WDFY3: variants seen among roughly 807,000 people sequenced by gnomAD.
The protein encoded by WDFY3 is WD repeat and FYVE domain containing 3.
A neutral mutation model predicts 409.6 loss-of-function variants in WDFY3; 66 were observed. The observed-to-expected ratio is 0.16, with a 90% CI of 0.13 to 0.20. The LOEUF (loss-of-function observed/expected upper bound fraction) is 0.20, where lower values mean the gene tolerates loss of function less well. WDFY3 is among the 10% of genes least tolerant of loss of function. WDFY3 has a pLI of 1.00. For missense variants in WDFY3, 3,031 were observed against 4,298.1 expected (o/e 0.71, Z 8.24); for synonymous variants, 1,521 against 1,537.1 (o/e 0.99, Z 0.25).
intron 55 of WDFY3, among the ~76,000 whole-genome samples, chr4:84,703,686 T>C (rs1232652635): frequency 6.6e-6 from 1 of 152,120 alleles, no homozygotes; most frequent in Non-Finnish European, 1.5e-5. Flanking sequence ...TTACCTCCTT[T>C]AGACTTTTTT....
chr4:84,688,464 G>A (rs1254366923), intron 61 of WDFY3, among the ~76,000 whole-genome samples, 199 bp from the exon 62 acceptor site: 1 of 152,112 alleles, frequency 6.6e-6, no homozygotes, highest in Admixed American at 6.5e-5. Flanking sequence ...AGCCCACGGG[G>A]GTAGAGAGAA....
At chr4:84,717,058 G>T in intron 48 of WDFY3, 42 bp from the exon 49 acceptor site, 2 of 1,528,034 alleles carry the variant, frequency 1.3e-6, no homozygotes. Flanking sequence ...AACACAGCAA[G>T]GGATAAATTC....
In WDFY3 at chr4:84,945,325, G is replaced by A. The variant is rs1397690791; in HGVS notation, c.-225-12962C>T. Reference sequence around the variant, plus strand: ...TCCCCCAAAGAGAGACTACTTCTTAGCAGGTAAATTATAACAAACCCTTTG... The same window carrying A: ...TCCCCCAAAGAGAGACTACTTCTTAACAGGTAAATTATAACAAACCCTTTG... On this transcript the variant is annotated intron_variant, in intron 1 of 67. Coordinates refer to ENST00000295888, the MANE Select transcript of WDFY3 (RefSeq NM_014991.6). 2.0e-5 allele frequency among the ~76,000 whole-genome samples: 3 copies of A among 152,196 alleles called. No homozygotes were observed. The South Asian group carries it at 6.2e-4, about 32-fold the overall frequency.
At chr4:84,908,235 T>C (rs927479459) in intron 2 of WDFY3, among the ~76,000 whole-genome samples, 3 of 152,172 alleles carry the variant, frequency 2.0e-5, no homozygotes, top group Non-Finnish European at 4.4e-5. Context: ...AAACTGCAGC[T>C]ATCCAGTTTA....
chr4:84,734,520 A>T (rs1176694290), intron 43 of WDFY3, among the ~76,000 whole-genome samples: 9 of 152,212 alleles, frequency 5.9e-5, no homozygotes, highest in Admixed American at 5.2e-4. Flanking sequence ...ATCTGAGAAT[A>T]AAATATTTAA....
intron 1 of WDFY3, among the ~76,000 whole-genome samples, chr4:84,939,044 C>T (rs1771783650): frequency 6.6e-6 from 1 of 152,104 alleles, no homozygotes; most frequent in African/African-American, 2.4e-5. Context: ...GGTATATTTT[C>T]CCCCATTCAG....
At position 84,812,559 on chromosome 4, in the gene WDFY3, G is replaced by C. The variant is rs191413622; in HGVS notation, c.1888-2215C>G. 2.2e-3 allele frequency among the ~76,000 whole-genome samples: 342 copies of C among 152,254 alleles called. 2 individuals are homozygous for C. Among genetic ancestry groups the C allele is most frequent in the African/African-American group, 7.8e-3 (326 of 41,544 alleles). The stretch of plus-strand genomic sequence containing the variant: ...TACATGTAAGAACCCTTAGAGAAGT[G>C]CCCGGCATATAAGCCTATCACTATC... On this transcript the variant is annotated intron_variant, in intron 13 of 67. Coordinates refer to ENST00000295888, the MANE Select transcript of WDFY3 (RefSeq NM_014991.6).
chr4:84,951,420 T>C (rs544434602), intron 1 of WDFY3, among the ~76,000 whole-genome samples: 1 of 152,336 alleles, frequency 6.6e-6, no homozygotes, highest in South Asian at 2.1e-4. Context: ...ACTAATTTAA[T>C]TACTTTACCA....
intron 25 of WDFY3, among the ~76,000 whole-genome samples, chr4:84,782,142 C>T (rs1278666660): frequency 6.6e-6 from 1 of 152,146 alleles, no homozygotes; most frequent in Non-Finnish European, 1.5e-5. Flanking sequence ...AATGTCCACG[C>T]TCTAAATTTT....
chr4:84,690,512 G>C lies in WDFY3; in HGVS notation c.9357C>G (p.Leu3119=). The C allele has an allele frequency of 2.5e-6, 4 of 1,614,090 alleles. No homozygotes were observed. The highest frequency in any genetic ancestry group is 3.4e-6 in the Non-Finnish European group (4 of 1,180,010). The part of the protein sequence containing the change: ...TSKEKAKTVT[L]KQALLGHTDT... The stretch of plus-strand genomic sequence containing the variant: ...TTTCTATGTTCTCTCTTACCTGTTT[G>C]AGGGTGACGGTCTTGGCCTTTTCTT... The change falls in exon 61 of 68, where the codon CTC becomes CTG. Residue 3119 remains leucine (L), a synonymous_variant. Coordinates refer to ENST00000295888, the MANE Select transcript of WDFY3 (RefSeq NM_014991.6).
intron 44 of WDFY3, among the ~76,000 whole-genome samples, chr4:84,729,253 T>C (rs1034025393): frequency 6.6e-6 from 1 of 152,096 alleles, no homozygotes; most frequent in South Asian, 2.1e-4. Flanking sequence ...TGGCAAAATA[T>C]ACATTATTTT....
At chr4:84,852,115 A>T (rs572632205) in intron 4 of WDFY3, among the ~76,000 whole-genome samples, 2 of 152,280 alleles carry the variant, frequency 1.3e-5, no homozygotes, top group East Asian at 1.9e-4. Flanking sequence ...TAACTTTTGC[A>T]CTTTGGGGCC....
At chr4:84,825,731 A>T (rs1754772230) in intron 10 of WDFY3, among the ~76,000 whole-genome samples, 1 of 152,088 alleles carries the variant, frequency 6.6e-6, no homozygotes, top group Non-Finnish European at 1.5e-5. Flanking sequence ...ATGTATTACA[A>T]ATTTAATACA....
intron 40 of WDFY3, among the ~76,000 whole-genome samples, chr4:84,737,657 T>C (rs1737682647): frequency 6.6e-6 from 1 of 152,182 alleles, no homozygotes; most frequent in South Asian, 2.1e-4. Context: ...TTTTTCTAGA[T>C]TAAAAACTTA....
chr4:84,736,173 G>T lies in WDFY3; in HGVS notation c.6912C>A (p.Thr2304=). Residue 2304 remains threonine (T), a synonymous_variant, in exon 42 of 68, where the codon ACC becomes ACA. Coordinates refer to ENST00000295888, the MANE Select transcript of WDFY3 (RefSeq NM_014991.6). The stretch of plus-strand genomic sequence containing the variant: ...AGCAATGAAACTAAAAAAGTACCTG[G>T]GTGGAAAGACTGTGTTTATTAAGAC... The part of the protein sequence containing the change: ...ESGLNKHSLS[T]QEISQWMFTH... 1 of 1,607,034 alleles carries T rather than the reference G, an allele frequency of 6.2e-7. No individual in the cohort carries two copies. Among genetic ancestry groups the T allele is most frequent in the Middle Eastern group, 1.7e-4 (1 of 6,004 alleles).
intron 41 of WDFY3, among the ~76,000 whole-genome samples, chr4:84,736,851 T>C (rs964043335): frequency 3.9e-5 from 6 of 152,110 alleles, no homozygotes; most frequent in Non-Finnish European, 8.8e-5. Flanking sequence ...ACCAAATTAA[T>C]GAAAAAACAG....
At chr4:84,837,871 G>A (rs1399575996) in intron 6 of WDFY3, among the ~76,000 whole-genome samples, 3 of 152,132 alleles carry the variant, frequency 2.0e-5, no homozygotes, top group African/African-American at 7.2e-5. Flanking sequence ...GCTGTGTGCT[G>A]GGAGCTGGGC....
intron 1 of WDFY3, among the ~76,000 whole-genome samples, chr4:84,936,208 G>A (rs1300957134): frequency 6.6e-6 from 1 of 151,996 alleles, no homozygotes; most frequent in African/African-American, 2.4e-5. Flanking sequence ...ACTTAAAATG[G>A]AAATTGTGCT....
chr4:84,875,040 C>T (rs537879434), intron 3 of WDFY3, among the ~76,000 whole-genome samples: 12 of 151,896 alleles, frequency 7.9e-5, no homozygotes, highest in African/African-American at 2.7e-4. Flanking sequence ...GAGTCCGAGG[C>T]GGGCAGATCA....
Sources: gnomAD v4.1 joint callset for allele counts (sites outside exome capture counted in the v4.1 genomes callset) on GRCh38, gnomAD v4.1.1 for gene constraint, MANE v1.5 for transcripts, NCBI Gene and HGNC (gene_info 2026-07-23, HGNC 2026-07-21) for gene names.